PKN2: variants seen among roughly 807,000 people sequenced by gnomAD.
PKN2 encodes the protein protein kinase N2.
PKN2 carries 38 observed loss-of-function variants against 119.1 expected under a neutral mutation model. The ratio of observed to expected loss-of-function variants is 0.32; its 90% CI spans 0.25 to 0.42. PKN2 has a LOEUF of 0.42. Ranked by LOEUF, PKN2 falls within the 10% of genes least tolerant of loss-of-function variation. The pLI is 1.00. For missense variants in PKN2, 850 were observed against 1,165.1 expected, an observed-to-expected ratio of 0.73 and a Z score of 3.94; for synonymous variants, 390 against 384.9, an observed-to-expected ratio of 1.01 and a Z score of -0.15.
intron 1 of PKN2, among the ~76,000 whole-genome samples, chr1:88,731,917 A>G (rs1668155950): frequency 6.6e-6 from 1 of 152,234 alleles, no homozygotes; most frequent in African/African-American, 2.4e-5. Context: ...GAAGTATATT[A>G]AATTGAAAAT....
intron 1 of PKN2, among the ~76,000 whole-genome samples, chr1:88,708,990 G>T (rs927890084): frequency 2.0e-5 from 3 of 151,164 alleles, no homozygotes; most frequent in Non-Finnish European, 4.4e-5. Flanking sequence ...CATTCATTCA[G>T]CAAGTATTCA....
At chr1:88,748,325 C>A (rs1340215489) in intron 2 of PKN2, among the ~76,000 whole-genome samples, 1 of 152,148 alleles carries the variant, frequency 6.6e-6, no homozygotes, top group African/African-American at 2.4e-5. Context: ...TTGAAGAATG[C>A]CATGTACATA....
chr1:88,694,803 AGT>A (rs1378516800), intron 1 of PKN2, among the ~76,000 whole-genome samples: 1 of 152,144 alleles, frequency 6.6e-6, no homozygotes, highest in South Asian at 2.1e-4. Flanking sequence ...CATTCTAATA[AGT>A]GTATCATGGT....
At chr1:88,719,633 T>C (rs1452178047) in intron 1 of PKN2, among the ~76,000 whole-genome samples, 1 of 152,202 alleles carries the variant, frequency 6.6e-6, no homozygotes, top group African/African-American at 2.4e-5. Flanking sequence ...TGCTACTGTG[T>C]TTTCTATTGT....
At position 88,759,716 on chromosome 1, in the gene PKN2, G is replaced by A. The variant is rs145433050; in HGVS notation, c.350-506G>A. Among the ~76,000 whole-genome samples, 8 of 152,160 alleles carry A rather than the reference G, an allele frequency of 5.3e-5. 2 individuals carry two copies. Among genetic ancestry groups the A allele is most frequent in the African/African-American group, 1.9e-4 (8 of 41,498 alleles). On this transcript the variant is annotated intron_variant, in intron 2 of 21. Coordinates refer to ENST00000370521, the MANE Select transcript of PKN2 (RefSeq NM_006256.4). ...GTCAATTTTTACTTTTGTTGCAATT[G>A]CTTCAGAGAATATTAGGAACACCTC...
chr1:88,762,383 T>G (rs548722375), intron 3 of PKN2, among the ~76,000 whole-genome samples: 5 of 152,330 alleles, frequency 3.3e-5, no homozygotes, highest in African/African-American at 4.8e-5. Context: ...GCAACTACTA[T>G]TGCCTCTGAG....
chr1:88,756,034 C>T (rs1476701006), intron 2 of PKN2, among the ~76,000 whole-genome samples: 1 of 151,842 alleles, frequency 6.6e-6, no homozygotes, highest in East Asian at 1.9e-4. Context: ...TGCTCAGCCT[C>T]CCTAGTATCT....
chr1:88,786,298 G>T, intron 8 of PKN2, 85 bp downstream of exon 8: 21 of 625,048 alleles, frequency 3.4e-5, no homozygotes, highest in South Asian at 1.2e-4. Context: ...TCAACAAGTT[G>T]TATTCTTAAC....
intron 1 of PKN2, among the ~76,000 whole-genome samples, chr1:88,711,248 G>A (rs1667223273): frequency 6.6e-6 from 1 of 151,740 alleles, no homozygotes; most frequent in Non-Finnish European, 1.5e-5. Context: ...GCCATGACAT[G>A]TTTACCTATG....
intron 1 of PKN2, among the ~76,000 whole-genome samples, chr1:88,718,072 G>T (rs893609905): frequency 7.2e-5 from 11 of 152,312 alleles, no homozygotes; most frequent in Admixed American, 7.2e-4. Context: ...CAGGTCTGTT[G>T]GAGTTTGCTG....
chr1:88,684,565 T>A lies in PKN2; in HGVS notation c.-16T>A. ...GAGGCGGCCGCGTCCAGGTGCGGAGTCCATACCGGAGCGCAATGGCGTCCA... is the reference window on the plus strand; with the variant it reads ...GAGGCGGCCGCGTCCAGGTGCGGAGACCATACCGGAGCGCAATGGCGTCCA... On this transcript the variant is annotated 5_prime_UTR_variant, in exon 1 of 22. Transcript: ENST00000370521. 6.5e-7 allele frequency: 1 copy of A among 1,543,160 alleles called. No individual in the cohort carries two copies. Among genetic ancestry groups the A allele is most frequent in the Non-Finnish European group, 8.7e-7 (1 of 1,145,458 alleles).
Position 88,760,388 on chromosome 1 carries a change from T to C in PKN2, c.504+12T>C. On this transcript the variant is annotated intron_variant, in intron 3 of 21. Coordinates refer to ENST00000370521, the MANE Select transcript of PKN2 (RefSeq NM_006256.4). ...ATGGATCTTCAAAGGTAAGTGTAGT[T>C]AATAAATGTAACTATATAGTCAGTC... The C allele has an allele frequency of 7.2e-7, 1 of 1,398,012 alleles. No homozygotes were observed. Among genetic ancestry groups the C allele is most frequent in the African/African-American group, 1.5e-5 (1 of 67,984 alleles). The allele number at this position is 1,398,012 out of a possible 1,614,324, so 86.6% of individuals were successfully genotyped here.
intron 8 of PKN2, among the ~76,000 whole-genome samples, chr1:88,794,692 CTGTT>C (rs1014774854): frequency 1.3e-5 from 2 of 152,062 alleles, no homozygotes; most frequent in African/African-American, 4.8e-5. Context: ...TTTCTTCTAG[CTGTT>C]TTTTTTATTA....
At chr1:88,810,243 C>T (rs976691148) in intron 15 of PKN2, among the ~76,000 whole-genome samples, 7 of 151,850 alleles carry the variant, frequency 4.6e-5, no homozygotes, top group Non-Finnish European at 7.4e-5. Context: ...GCCTCAGCCT[C>T]CCTAGTAGCT....
At chr1:88,818,589 A>G (rs989279662) in intron 16 of PKN2, among the ~76,000 whole-genome samples, 2 of 151,412 alleles carry the variant, frequency 1.3e-5, no homozygotes, top group Admixed American at 6.6e-5. Context: ...TGGAGGTTGC[A>G]GTAAGCAAAG....
At chr1:88,706,403 T>G (rs1056030315) in intron 1 of PKN2, among the ~76,000 whole-genome samples, 2 of 152,182 alleles carry the variant, frequency 1.3e-5, no homozygotes, top group African/African-American at 4.8e-5. Flanking sequence ...GTGTTTTTAT[T>G]TAATGATAAT....
rs563792358 is a variant in PKN2, at chr1:88,802,457, C to T, written c.1282-1934C>T. 2.0e-5 allele frequency among the ~76,000 whole-genome samples: 3 copies of T among 152,220 alleles called. No individual in the cohort carries two copies. The South Asian group carries it at 6.2e-4, about 32-fold the overall frequency. On this transcript the variant is annotated intron_variant, in intron 8 of 21. Transcript: ENST00000370521. ...TCTCATGCCTTAGCCTCCCAAGTAGCTGGGACCACAGGTGCGTGCACCACG... is the reference window on the plus strand; with the variant it reads ...TCTCATGCCTTAGCCTCCCAAGTAGTTGGGACCACAGGTGCGTGCACCACG...
intron 1 of PKN2, among the ~76,000 whole-genome samples, chr1:88,723,569 G>T (rs986373593): frequency 1.3e-5 from 2 of 152,222 alleles, no homozygotes; most frequent in South Asian, 4.1e-4. Flanking sequence ...TTACAGGCAT[G>T]TGCCACCACA....
At chr1:88,819,740 AAAGACTTGGAACC>A (rs778884989) in intron 16 of PKN2, among the ~76,000 whole-genome samples, 1 of 152,218 alleles carries the variant, frequency 6.6e-6, no homozygotes, top group Non-Finnish European at 1.5e-5. Context: ...TCACAATAGC[AAAGACTTGGAACC>A]AACCCAAAGG....
Sources: allele counts gnomAD v4.1 joint callset (sites outside exome capture counted in the v4.1 genomes callset), GRCh38; gene constraint gnomAD v4.1.1; transcripts MANE v1.5; gene names NCBI Gene and HGNC (gene_info 2026-07-23, HGNC 2026-07-21).